PTPRN2: variants seen among roughly 807,000 people sequenced by gnomAD.
PTPRN2 encodes the protein receptor-type tyrosine-protein phosphatase N2.
In PTPRN2, 74 loss-of-function variants were observed where a neutral mutation model predicts 118.8. The ratio of observed to expected loss-of-function variants is 0.62; its 90% CI spans 0.52 to 0.76. PTPRN2 has a LOEUF of 0.76. Among genes scored for constraint, PTPRN2 ranks in the 30% least tolerant of loss-of-function variants. The pLI is 0.00. For missense variants in PTPRN2, 1,481 were observed against 1,394.4 expected (o/e 1.06, Z -0.99); for synonymous variants, 641 against 608.0 (o/e 1.05, Z -0.80).
intron 2 of PTPRN2, among the ~76,000 whole-genome samples, chr7:158,337,441 C>T (rs1251539820): frequency 1.3e-4 from 18 of 143,172 alleles, no homozygotes; most frequent in African/African-American, 4.5e-4. Flanking sequence ...AGAGGTGACA[C>T]CCACAGACGT....
At chr7:157,563,045 C>T (rs1452927755) in intron 21 of PTPRN2, among the ~76,000 whole-genome samples, 2 of 128,924 alleles carry the variant, frequency 1.6e-5, no homozygotes, top group Non-Finnish European at 1.6e-5. Context: ...GGACCACATG[C>T]TCCCGCATCA....
chr7:158,007,174 C>T (rs1178945889), intron 11 of PTPRN2, among the ~76,000 whole-genome samples: 3 of 152,202 alleles, frequency 2.0e-5, no homozygotes, highest in Non-Finnish European at 4.4e-5. Flanking sequence ...TCAATCGCCT[C>T]CTGAAAGACA....
intron 9 of PTPRN2, among the ~76,000 whole-genome samples, chr7:158,112,801 C>T (rs1198761921): frequency 6.6e-6 from 1 of 151,232 alleles, no homozygotes; most frequent in Non-Finnish European, 1.5e-5. Context: ...AGCAGGGTGC[C>T]CAGGCTGGGT....
At chr7:158,412,456 C>CT (rs1485100662) in intron 2 of PTPRN2, among the ~76,000 whole-genome samples, 1 of 101,470 alleles carries the variant, frequency 9.9e-6, no homozygotes, top group Non-Finnish European at 2.0e-5. Context: ...CAGGGCCCAT[C>CT]CAGCGCCCTC....
intron 11 of PTPRN2, among the ~76,000 whole-genome samples, chr7:157,985,478 G>A (rs1489209477): frequency 6.6e-6 from 1 of 152,228 alleles, no homozygotes; most frequent in African/African-American, 2.4e-5. Context: ...ATTTGTTCTA[G>A]TTGTCATTAG....
At chr7:158,173,843 C>G (rs1025514612) in intron 5 of PTPRN2, among the ~76,000 whole-genome samples, 3 of 152,246 alleles carry the variant, frequency 2.0e-5, no homozygotes, top group African/African-American at 7.2e-5. Context: ...AAATAAGGCT[C>G]TATTCTGCCC....
intron 2 of PTPRN2, among the ~76,000 whole-genome samples, chr7:158,387,126 G>C (rs1260217770): frequency 6.6e-6 from 1 of 152,222 alleles, no homozygotes; most frequent in Non-Finnish European, 1.5e-5. Flanking sequence ...CCGGGACCCA[G>C]ATCCCCAGGA....
At chr7:158,057,991 T>G (rs1022829488) in intron 11 of PTPRN2, among the ~76,000 whole-genome samples, 1 of 152,256 alleles carries the variant, frequency 6.6e-6, no homozygotes, top group African/African-American at 2.4e-5. Flanking sequence ...GAATGCTTCC[T>G]TAGTTGCAGG....
At chr7:158,230,540 GT>G (rs572424601) in intron 3 of PTPRN2, among the ~76,000 whole-genome samples, 17 of 151,532 alleles carry the variant, frequency 1.1e-4, no homozygotes, top group South Asian at 4.2e-4. Flanking sequence ...ATACAGAGGG[GT>G]TTTTTTTCAT....
intron 2 of PTPRN2, among the ~76,000 whole-genome samples, chr7:158,331,038 G>C (rs1236211225): frequency 8.2e-6 from 1 of 121,954 alleles, no homozygotes; most frequent in Non-Finnish European, 1.7e-5. Context: ...CTCACCATAA[G>C]AGGTGACACC....
At chr7:157,761,838 T>C (rs926215965) in intron 12 of PTPRN2, among the ~76,000 whole-genome samples, 1 of 151,896 alleles carries the variant, frequency 6.6e-6, no homozygotes, top group African/African-American at 2.4e-5. Flanking sequence ...AGAAAATTTT[T>C]GCAACCTACT....
At chr7:158,040,677 T>C (rs923428592) in intron 11 of PTPRN2, among the ~76,000 whole-genome samples, 1 of 151,764 alleles carries the variant, frequency 6.6e-6, no homozygotes, top group East Asian at 1.9e-4. Context: ...AAGACTTTTT[T>C]AGGCAAACAA....
At chr7:158,218,478 C>A (rs566466524) in intron 3 of PTPRN2, among the ~76,000 whole-genome samples, 11 of 152,266 alleles carry the variant, frequency 7.2e-5, no homozygotes, top group African/African-American at 1.9e-4. Context: ...CCTGCCTCCA[C>A]AAAAACACAA....
At chr7:158,131,657 AC>A (rs1220968288) in intron 9 of PTPRN2, among the ~76,000 whole-genome samples, 2 of 151,826 alleles carry the variant, frequency 1.3e-5, no homozygotes, top group Admixed American at 6.6e-5. Context: ...GCACATACAC[AC>A]AAACCGATAC....
intron 11 of PTPRN2, among the ~76,000 whole-genome samples, chr7:157,935,184 G>T (rs1435222635): frequency 1.3e-5 from 2 of 152,160 alleles, no homozygotes; most frequent in African/African-American, 2.4e-5. Flanking sequence ...TTTTCACCAG[G>T]TGGAGGGTGG....
chr7:157,976,769 C>T (rs1802784899), intron 11 of PTPRN2, among the ~76,000 whole-genome samples: 1 of 151,878 alleles, frequency 6.6e-6, no homozygotes, highest in South Asian at 2.1e-4. Flanking sequence ...CATCACAAAA[C>T]TAAGTAATAT....
chr7:158,578,224 T>C (rs1338927870), intron 1 of PTPRN2, among the ~76,000 whole-genome samples: 3 of 152,228 alleles, frequency 2.0e-5, no homozygotes, highest in Admixed American at 2.0e-4. Context: ...ACTATCTCTT[T>C]TTATTATACT....
intron 1 of PTPRN2, among the ~76,000 whole-genome samples, chr7:158,515,105 C>T (rs1823437736): frequency 6.6e-6 from 1 of 152,062 alleles, no homozygotes; most frequent in South Asian, 2.1e-4. Flanking sequence ...GCGAGGAGAA[C>T]TGGGATGCGG....
At chr7:157,628,509 G>C (rs1418221850) in intron 14 of PTPRN2, among the ~76,000 whole-genome samples, 1 of 152,216 alleles carries the variant, frequency 6.6e-6, no homozygotes, top group Non-Finnish European at 1.5e-5. Flanking sequence ...TGTTGATAGA[G>C]TTCTTAACAG....
Sources: allele counts gnomAD v4.1 joint callset (sites outside exome capture counted in the v4.1 genomes callset), GRCh38; gene constraint gnomAD v4.1.1; transcripts MANE v1.5; gene names NCBI Gene and HGNC (gene_info 2026-07-23, HGNC 2026-07-21).